Variants in TMEM132B observed in about 807,000 individuals in gnomAD.
TMEM132B encodes transmembrane protein 132B.
Under a neutral mutation model 90.8 loss-of-function variants are expected in TMEM132B, and 18 were observed. The observed-to-expected ratio is 0.20, with a 90% CI of 0.14 to 0.29. The LOEUF (loss-of-function observed/expected upper bound fraction) is 0.29. Ranked by LOEUF, TMEM132B falls within the 10% of genes least tolerant of loss-of-function variation. TMEM132B has a pLI of 1.00. For missense variants in TMEM132B, 1,096 were observed against 1,326.8 expected (o/e 0.83, Z 2.70); for synonymous variants, 504 against 523.3 (o/e 0.96, Z 0.50).
At chr12:125,438,609 G>A (rs184396239) in intron 3 of TMEM132B, among the ~76,000 whole-genome samples, 108 of 152,240 alleles carry the variant, frequency 7.1e-4, no homozygotes, top group East Asian at 6.6e-3. Flanking sequence ...CCCAAAATAC[G>A]CTGCAGAGCT....
At chr12:125,599,887 G>A (rs766961759) in intron 5 of TMEM132B, among the ~76,000 whole-genome samples, 5 of 152,136 alleles carry the variant, frequency 3.3e-5, no homozygotes, top group African/African-American at 9.7e-5. Flanking sequence ...TTACATAGCA[G>A]TTCATCAGGT....
At chr12:125,451,504 T>C (rs1452216429) in intron 3 of TMEM132B, among the ~76,000 whole-genome samples, 1 of 152,254 alleles carries the variant, frequency 6.6e-6, no homozygotes, top group Non-Finnish European at 1.5e-5. Context: ...CTGGGTATTC[T>C]TGGTAATATT....
chr12:125,545,520 C>T (rs1884066793), intron 4 of TMEM132B, among the ~76,000 whole-genome samples: 1 of 152,170 alleles, frequency 6.6e-6, no homozygotes, highest in Non-Finnish European at 1.5e-5. Context: ...AAATGCCTTT[C>T]CCTGCCACAC....
chr12:125,270,159 C>T (rs987678387), intron 1 of TMEM132B, among the ~76,000 whole-genome samples: 5 of 99,482 alleles, frequency 5.0e-5, no homozygotes, highest in Admixed American at 2.1e-4. Flanking sequence ...TTTTAAGAGA[C>T]GAGGTCTTGC....
At chr12:125,462,654 G>T (rs1280288719) in intron 3 of TMEM132B, among the ~76,000 whole-genome samples, 1 of 152,124 alleles carries the variant, frequency 6.6e-6, no homozygotes, top group African/African-American at 2.4e-5. Context: ...CTGGACTATG[G>T]GCTGGTTGAA....
intron 6 of TMEM132B, among the ~76,000 whole-genome samples, chr12:125,645,719 G>T (rs908991512): frequency 6.6e-5 from 10 of 152,208 alleles, no homozygotes; most frequent in African/African-American, 2.2e-4. Flanking sequence ...AGAGACTTAA[G>T]TTGAGCCTGC....
intron 5 of TMEM132B, among the ~76,000 whole-genome samples, chr12:125,601,704 A>G (rs976890998): frequency 5.9e-5 from 9 of 152,182 alleles, no homozygotes; most frequent in Non-Finnish European, 8.8e-5. Flanking sequence ...ATTAAATTAG[A>G]TAGACCACTA....
At chr12:125,637,415 A>G (rs556761853) in intron 5 of TMEM132B, among the ~76,000 whole-genome samples, 4 of 152,222 alleles carry the variant, frequency 2.6e-5, no homozygotes, top group Non-Finnish European at 4.4e-5. Flanking sequence ...GGTTAAGGAC[A>G]TGCGCCCGTG....
At position 125,459,008 on chromosome 12, in the gene TMEM132B, C is replaced by T. The variant is rs923502703; in HGVS notation, c.1106+43331C>T. On this transcript the variant is annotated intron_variant, in intron 3 of 8. Coordinates refer to ENST00000682704, the MANE Select transcript of TMEM132B (RefSeq NM_001366854.1). The surrounding 1 kb of genome is among the most constrained non-coding windows in gnomAD (Gnocchi z 4.1). ...GAGCTCAGATTCCCTGTGGTCCCCC[C>T]ATGTGCAATTAGCATCTTCGGGTGA... Among the ~76,000 whole-genome samples, 1 of 152,202 alleles carries T rather than the reference C, an allele frequency of 6.6e-6. No homozygotes were observed. Among genetic ancestry groups the T allele is most frequent in the Non-Finnish European group, 1.5e-5 (1 of 68,030 alleles).
intron 1 of TMEM132B, among the ~76,000 whole-genome samples, chr12:125,348,239 C>T (rs926700962): frequency 6.6e-6 from 1 of 152,108 alleles, no homozygotes; most frequent in Non-Finnish European, 1.5e-5. Flanking sequence ...TCCTGTTGAT[C>T]AACCTATTGA....
intron 1 of TMEM132B, among the ~76,000 whole-genome samples, chr12:125,256,285 T>A (rs1874436892): frequency 6.6e-6 from 1 of 152,182 alleles, no homozygotes; most frequent in Non-Finnish European, 1.5e-5. Context: ...TCATATATTT[T>A]TAATACAGCC....
intron 4 of TMEM132B, among the ~76,000 whole-genome samples, chr12:125,548,606 G>A (rs977388666): frequency 6.6e-6 from 1 of 152,198 alleles, no homozygotes; most frequent in African/African-American, 2.4e-5. Flanking sequence ...AAAGGCTGGT[G>A]GTCTGGATGT....
intron 3 of TMEM132B, among the ~76,000 whole-genome samples, chr12:125,416,564 T>C (rs1186462858): frequency 1.3e-5 from 2 of 152,254 alleles, no homozygotes; most frequent in Non-Finnish European, 2.9e-5. Flanking sequence ...AATGAAGGCC[T>C]GGGTGGAGGG....
intron 5 of TMEM132B, chr12:125,587,121 G>A (rs11058254): frequency 0.54 from 82,253 of 150,982 alleles, 24,635 homozygotes; most frequent in Middle Eastern, 0.74. Context: ...ATCCACTGGG[G>A]GTCTTAGACT....
chr12:125,527,736 T>TCACCCTTCCATCCACCAATC (rs1883534408), intron 4 of TMEM132B, among the ~76,000 whole-genome samples: 1 of 144,544 alleles, frequency 6.9e-6, no homozygotes, highest in Non-Finnish European at 1.5e-5. Context: ...ATCCACCCAT[T>TCACCCTTCCATCCACCAATC]CACCCTTCCA....
chr12:125,473,331 A>G (rs1039210804), intron 3 of TMEM132B, among the ~76,000 whole-genome samples: 5 of 152,140 alleles, frequency 3.3e-5, no homozygotes, highest in Non-Finnish European at 7.4e-5. Context: ...GTATCTTCTT[A>G]TAGTCCCACA....
chr12:125,511,069 C>A (rs1882965030), intron 3 of TMEM132B, among the ~76,000 whole-genome samples: 1 of 152,228 alleles, frequency 6.6e-6, no homozygotes, highest in African/African-American at 2.4e-5. Flanking sequence ...CATTCCCCCA[C>A]TTACCCCAGT....
rs907091055 is a variant in TMEM132B, at chr12:125,515,784, CTT to C, written c.1107-3653_1107-3652del. Among the ~76,000 whole-genome samples, 12 of 151,128 alleles carry C rather than the reference CTT, an allele frequency of 7.9e-5. No homozygotes were observed. In the East Asian group the frequency reaches 1.4e-3, roughly 18 times the overall value. On this transcript the variant is annotated intron_variant, in intron 3 of 8. Coordinates refer to ENST00000682704, the MANE Select transcript of TMEM132B (RefSeq NM_001366854.1). ...CATTCTCACACACATTTGCACATCT[CTT>C]TCACATTCACACAAATACACATTCT...
intron 1 of TMEM132B, among the ~76,000 whole-genome samples, chr12:125,292,515 C>A (rs796322646): frequency 3.3e-5 from 5 of 152,310 alleles, no homozygotes; most frequent in African/African-American, 1.2e-4. Flanking sequence ...CTTCTGTTTG[C>A]GAGTGACAGA....
Sources: gnomAD v4.1 joint callset for allele counts (sites outside exome capture counted in the v4.1 genomes callset) on GRCh38, gnomAD v4.1.1 for gene constraint, Gnocchi (gnomAD v3.1) non-coding constraint, MANE v1.5 for transcripts, NCBI Gene and HGNC (gene_info 2026-07-23, HGNC 2026-07-21) for gene names.